The following CCR3 variants were observed in gnomAD, a reference collection of about 807,000 sequenced individuals.
The protein encoded by CCR3 is C-C chemokine receptor type 3.
For synonymous variants in CCR3, 203 were observed against 179.2 expected (o/e 1.13, Z -1.06); for missense variants, 419 against 437.5 (o/e 0.96, Z 0.38).
At chr3:46,252,870 T>C (rs1393562562) in intron 1 of CCR3, among the ~76,000 whole-genome samples, 1 of 152,112 alleles carries the variant, frequency 6.6e-6, no homozygotes, top group African/African-American at 2.4e-5. Context: ...TTTCCCCTTT[T>C]CTTTCCACTA....
intron 2 of CCR3, among the ~76,000 whole-genome samples, chr3:46,236,348 A>G (rs1241451463): frequency 6.6e-6 from 1 of 152,244 alleles, no homozygotes; most frequent in Non-Finnish European, 1.5e-5. Flanking sequence ...CCGGCTGCTG[A>G]GAGCTGCCCT....
chr3:46,214,418 A>C (rs1482099586), intron 2 of CCR3, among the ~76,000 whole-genome samples: 1 of 152,038 alleles, frequency 6.6e-6, no homozygotes, highest in Non-Finnish European at 1.5e-5. Context: ...ACATTGCTCT[A>C]TTGATTTTCT....
At chr3:46,222,952 C>T (rs964568457) in intron 2 of CCR3, among the ~76,000 whole-genome samples, 12 of 152,130 alleles carry the variant, frequency 7.9e-5, no homozygotes, top group African/African-American at 2.9e-4. Flanking sequence ...TCAAGAAACC[C>T]TTCATGCTAA....
intron 2 of CCR3, among the ~76,000 whole-genome samples, chr3:46,230,640 C>T (rs941276299): frequency 2.6e-5 from 4 of 152,122 alleles, no homozygotes; most frequent in African/African-American, 9.7e-5. Context: ...AGAGTTTGAA[C>T]AAGACAGGGT....
At chr3:46,237,362 A>G (rs1323327476) in intron 2 of CCR3, among the ~76,000 whole-genome samples, 1 of 152,176 alleles carries the variant, frequency 6.6e-6, no homozygotes, top group Non-Finnish European at 1.5e-5. Flanking sequence ...AATGGTTTGC[A>G]TAGATTTCTC....
intron 1 of CCR3, among the ~76,000 whole-genome samples, chr3:46,250,944 TAAG>T (rs1700297531): frequency 1.3e-5 from 2 of 151,390 alleles, no homozygotes; most frequent in African/African-American, 4.9e-5. Context: ...GGTGAGGAAA[TAAG>T]GGATTGGGGT....
At chr3:46,214,655 T>C (rs1170235480) in intron 2 of CCR3, among the ~76,000 whole-genome samples, 3 of 152,140 alleles carry the variant, frequency 2.0e-5, no homozygotes, top group African/African-American at 4.8e-5. Flanking sequence ...GGAGCCCTGA[T>C]GTTCTGTGAT....
chr3:46,231,818 C>T (rs1208699660), intron 2 of CCR3, among the ~76,000 whole-genome samples: 4 of 152,136 alleles, frequency 2.6e-5, no homozygotes, highest in Admixed American at 2.6e-4. Flanking sequence ...ATCCATTATT[C>T]ATCCACCCCT....
At chr3:46,263,566 C>A (rs1469482241) in intron 1 of CCR3, 1 of 152,840 alleles carries the variant, frequency 6.5e-6, no homozygotes, top group Non-Finnish European at 1.5e-5. Context: ...CCCAAGGGAC[C>A]CTATTTTTCC....
intron 2 of CCR3, among the ~76,000 whole-genome samples, chr3:46,228,251 G>C (rs914430745): frequency 3.3e-5 from 5 of 149,638 alleles, no homozygotes; most frequent in Admixed American, 2.7e-4. Context: ...TACATTGTAC[G>C]CACACCCCCT....
chr3:46,262,217 T>G (rs1207568155), intron 1 of CCR3, among the ~76,000 whole-genome samples: 2 of 152,236 alleles, frequency 1.3e-5, no homozygotes, highest in Non-Finnish European at 2.9e-5. Context: ...AAGAGAAGTT[T>G]AAACCACTTT....
chr3:46,245,499 T>C (rs1000924297), intron 1 of CCR3, among the ~76,000 whole-genome samples: 2 of 151,564 alleles, frequency 1.3e-5, no homozygotes, highest in Non-Finnish European at 2.9e-5. Context: ...ACCAAAGGCA[T>C]ACAAAAACAA....
chr3:46,237,974 G>C (rs1700040605), upstream of CCR3, among the ~76,000 whole-genome samples: 1 of 152,156 alleles, frequency 6.6e-6, no homozygotes, highest in Non-Finnish European at 1.5e-5. Context: ...ATCAAGATCT[G>C]CTTACATTTC....
At chr3:46,241,729 G>C (rs533557918), upstream of CCR3, among the ~76,000 whole-genome samples, 1 of 152,226 alleles carries the variant, frequency 6.6e-6, no homozygotes, top group African/African-American at 2.4e-5. Context: ...TTTTAGACTT[G>C]TCTAAACCTT....
upstream of CCR3, among the ~76,000 whole-genome samples, chr3:46,239,611 T>C (rs1190198576): frequency 1.3e-5 from 2 of 152,236 alleles, no homozygotes; most frequent in Non-Finnish European, 2.9e-5. Flanking sequence ...TTAAGGAGAC[T>C]GGAGCTGGAA....
At chr3:46,232,660 A>G (rs1699979176) in intron 2 of CCR3, among the ~76,000 whole-genome samples, 2 of 152,184 alleles carry the variant, frequency 1.3e-5, no homozygotes, top group Admixed American at 6.5e-5. Context: ...CCTTGGTGCC[A>G]TTCTGGATGT....
At chr3:46,242,963 G>GATATA (rs1700111116) in intron 1 of CCR3, among the ~76,000 whole-genome samples, 1 of 86,298 alleles carries the variant, frequency 1.2e-5, no homozygotes, top group Admixed American at 1.4e-4. Context: ...ATATATATGT[G>GATATA]TATATATATA....
intron 2 of CCR3, among the ~76,000 whole-genome samples, chr3:46,211,874 C>T (rs1699719158): frequency 6.6e-6 from 1 of 152,136 alleles, no homozygotes; most frequent in Non-Finnish European, 1.5e-5. Context: ...GTGACTATAG[C>T]CTCTCGATGT....
intron 2 of CCR3, among the ~76,000 whole-genome samples, chr3:46,219,613 G>A (rs940929151): frequency 1.5e-4 from 23 of 152,092 alleles, no homozygotes; most frequent in Middle Eastern, 6.8e-3. Flanking sequence ...CCAAAACAGC[G>A]TGGTACTGGT....
Sources: allele counts gnomAD v4.1 joint callset (sites outside exome capture counted in the v4.1 genomes callset), GRCh38; gene constraint gnomAD v4.1.1; transcripts MANE v1.5; gene names NCBI Gene and HGNC (gene_info 2026-07-23, HGNC 2026-07-21).